Variants in CARD9 observed in about 807,000 individuals in gnomAD.
CARD9 encodes caspase recruitment domain-containing protein 9.
CARD9 carries 53 observed loss-of-function variants against 66.0 expected under a neutral mutation model. That is an observed-to-expected ratio of 0.80 (90% CI 0.64 to 1.01). CARD9 has a LOEUF of 1.01. Among genes scored for constraint, CARD9 ranks in the 50% least tolerant of loss-of-function variants. CARD9 has a pLI of 0.00. For synonymous variants in CARD9, 387 were observed against 313.8 expected, an observed-to-expected ratio of 1.23 and a Z score of -2.47; for missense variants, 769 against 743.2, an observed-to-expected ratio of 1.03 and a Z score of -0.40.
At chr9:136,369,054 A>T (rs927309544) in intron 7 of CARD9, among the ~76,000 whole-genome samples, 1 of 152,172 alleles carries the variant, frequency 6.6e-6, no homozygotes, top group Non-Finnish European at 1.5e-5. Context: ...TCCTGACCTC[A>T]AGTGAGCCGC....
intron 2 of CARD9, 34 bp from the exon 3 acceptor site, chr9:136,371,495 C>T (rs1833272732): frequency 6.6e-7 from 1 of 1,524,010 alleles, no homozygotes; most frequent in Non-Finnish European, 8.9e-7. Context: ...GGGGGCGGGG[C>T]ACAGGCGAGG....
intron 6 of CARD9, 170 bp from the exon 7 acceptor site, chr9:136,370,045 G>C: frequency 7.0e-7 from 1 of 1,427,142 alleles, no homozygotes. Context: ...GACCGCGGCA[G>C]GACAGGGCCC....
intron 11 of CARD9, 88 bp from the exon 12 acceptor site, chr9:136,364,647 C>T: frequency 7.4e-7 from 1 of 1,345,466 alleles, no homozygotes; most frequent in Non-Finnish European, 1.0e-6. Context: ...CCTGTAACTG[C>T]AGACTGGTTG....
rs373574599 is a variant in CARD9 at position 136,364,058 on chromosome 9, A to C, written c.*244T>G. 78 of 1,536,226 alleles carry C rather than the reference A, an allele frequency of 5.1e-5. No individual in the cohort carries two copies. In the African/African-American group the frequency reaches 9.5e-4, roughly 19 times the overall value. ...CATGGTGAAACAGAACAGATCCTGA[A>C]GTTACACAGATGGCGTGTGCATGGG... On this transcript the variant is annotated 3_prime_UTR_variant, in exon 13 of 13. Coordinates refer to ENST00000371732, the MANE Select transcript of CARD9 (RefSeq NM_052813.5).
intron 12 of CARD9, 35 bp downstream of exon 12, chr9:136,364,448 C>T (rs772638451): frequency 6.5e-7 from 1 of 1,541,408 alleles, no homozygotes; most frequent in Non-Finnish European, 8.7e-7. Context: ...CGCTCCCCAG[C>T]CCGTTTTGGA....
In CARD9 at chr9:136,370,345, G is replaced by A. The variant is rs1308104193; in HGVS notation, c.900C>T (p.Thr300=). The A allele has an allele frequency of 6.2e-7, 1 of 1,610,018 alleles. No individual in the cohort carries two copies. Among genetic ancestry groups the A allele is most frequent in the South Asian group, 1.1e-5 (1 of 90,698 alleles). ...GGAGGTCCTTGCGCAGGGAGAAGAT[G>A]GTGTTGGCCTGCTCCTGGTGGTCCC... The part of the protein sequence containing the change: ...ALRDHQEQAN[T]IFSLRKDLRQ... Residue 300 remains threonine, a synonymous_variant, in exon 6 of 13, where the codon ACC becomes ACT. Transcript: ENST00000371732.
chr9:136,371,571 G>T, intron 2 of CARD9, 110 bp from the exon 3 acceptor site: 1 of 1,467,784 alleles, frequency 6.8e-7, no homozygotes, highest in Non-Finnish European at 9.1e-7. Flanking sequence ...GATGAGGTGT[G>T]CCGTGGTCTG....
Position 136,369,785 on chromosome 9 carries a change from G to C in CARD9, c.1042C>G (p.Leu348Val). ...TCAATGGCGACCTCCTCCATCTGCA[G>C]CAGGATGGCCTCGATGCGGTCCTTG... ...MYKDRIEAIL[L>V]QMEEVAIERD... The change falls in exon 7 of 13, where the codon CTG becomes GTG. Residue 348 changes from leucine to valine, a missense_variant. Coordinates refer to ENST00000371732, the MANE Select transcript of CARD9 (RefSeq NM_052813.5). 6.2e-7 allele frequency: 1 copy of C among 1,610,968 alleles called. No individual in the cohort carries two copies. Among genetic ancestry groups the C allele is most frequent in the East Asian group, 2.2e-5 (1 of 44,858 alleles).
intron 10 of CARD9, chr9:136,366,547 C>G (rs996835060): frequency 5.3e-6 from 3 of 570,046 alleles, no homozygotes; most frequent in Middle Eastern, 4.7e-4. Context: ...TGGGGGCTGC[C>G]CAGACCCCCA....
intron 10 of CARD9, chr9:136,365,463 T>G: frequency 8.9e-6 from 5 of 559,660 alleles, no homozygotes; most frequent in East Asian, 3.0e-5. Flanking sequence ...CCAGTGACCA[T>G]CCCTCCCCCG....
intron 11 of CARD9, 79 bp downstream of exon 11, chr9:136,365,054 GGGTGCCCA>G: frequency 7.5e-7 from 1 of 1,334,874 alleles, no homozygotes; most frequent in Non-Finnish European, 1.1e-6. Flanking sequence ...CCACCGCAGG[GGGTGCCCA>G]GGGCAGGGAG....
chr9:136,367,148 T>C, intron 9 of CARD9, 68 bp downstream of exon 9: 1 of 1,531,732 alleles, frequency 6.5e-7, no homozygotes, highest in Non-Finnish European at 8.9e-7. Context: ...GGGCTATGCC[T>C]GGTGGCAGCT....
At position 136,364,084 on chromosome 9, in the gene CARD9, G is replaced by A; in HGVS notation, c.*218C>T. On this transcript the variant is annotated 3_prime_UTR_variant, in exon 13 of 13. Coordinates refer to ENST00000371732, the MANE Select transcript of CARD9 (RefSeq NM_052813.5). ...GTTACACAGATGGCGTGTGCATGGGGGTGGTGAGCACCCGCATGGCCTCCG... is the reference window on the plus strand; with the variant it reads ...GTTACACAGATGGCGTGTGCATGGGAGTGGTGAGCACCCGCATGGCCTCCG... 1.9e-6 allele frequency: 3 copies of A among 1,550,106 alleles called. No homozygotes were observed. The highest frequency in any genetic ancestry group is 2.0e-5 in the Admixed American group (1 of 51,012).
intron 5 of CARD9, 42 bp downstream of exon 5, chr9:136,370,480 A>G (rs915686708): frequency 1.2e-6 from 2 of 1,604,636 alleles, no homozygotes; most frequent in Non-Finnish European, 1.7e-6. Flanking sequence ...GAAGGCCCCC[A>G]CTGCCCTGCC....
rs948364270 is a variant in CARD9, at chr9:136,367,893, G to A, written c.1078-65C>T. 1.7e-5 allele frequency: 26 copies of A among 1,519,002 alleles called. 2 individuals carry two copies. The highest frequency in any genetic ancestry group is 7.9e-5 in the Admixed American group (4 of 50,370). The allele number at this position is 1,519,002 out of a possible 1,614,324, so 94.1% of individuals were successfully genotyped here. On this transcript the variant is annotated intron_variant, in intron 7 of 12. Transcript: ENST00000371732. ...CAAGCTTGCCCTGGGCCCTCGGCCC[G>A]GCCGCCCAACTCCAAGCAGAGGCTC...
chr9:136,364,389 G>A lies in CARD9; in HGVS notation c.1524C>T (p.Leu508=), dbSNP rs2131430836. Residue 508 remains leucine (L), a synonymous_variant, in exon 13 of 13, where the codon CTC becomes CTT. Transcript: ENST00000371732. ...SFENYRRKRA[L]RKMQKGWRQG... Reference sequence around the variant, plus strand: ...GCCGCCATCCTTTCTGCATCTTCCTGAGGGCGCGCTTCCTGTGAAGACAGG... The same window carrying A: ...GCCGCCATCCTTTCTGCATCTTCCTAAGGGCGCGCTTCCTGTGAAGACAGG... 2 of 1,557,986 alleles carry A rather than the reference G, an allele frequency of 1.3e-6. No homozygotes were observed. The highest frequency in any genetic ancestry group is 1.7e-6 in the Non-Finnish European group (2 of 1,153,798).
intron 11 of CARD9, 34 bp downstream of exon 11, chr9:136,365,107 C>A (rs564513029): frequency 1.2e-6 from 2 of 1,603,688 alleles, no homozygotes; most frequent in African/African-American, 2.7e-5. Flanking sequence ...CTGAGGCCCA[C>A]GGCTGGGAGG....
Position 136,367,213 on chromosome 9 carries a change from CACCTCCTGGG to C in CARD9, c.1304_1311+2del, listed in dbSNP as rs1274776112. 6.2e-7 allele frequency: 1 copy of C among 1,612,330 alleles called. No individual in the cohort carries two copies. The highest frequency in any genetic ancestry group is 8.5e-7 in the Non-Finnish European group (1 of 1,179,690). On this transcript the variant is annotated splice_donor_variant and coding_sequence_variant, in exon 9 of 13. Coordinates refer to ENST00000371732, the MANE Select transcript of CARD9 (RefSeq NM_052813.5). LOFTEE classifies it high-confidence loss of function. ...GCCTCGTGCTGGCTGGGGTCTCACT[CACCTCCTGGG>C]ACCTCCTGGGTGAGCCATCTTCCAG...
Position 136,370,811 on chromosome 9 carries a change from G to A in CARD9, c.627+30C>T, listed in dbSNP as rs746304716. 1.3e-5 allele frequency: 21 copies of A among 1,596,046 alleles called. No homozygotes were observed. In the Middle Eastern group the frequency reaches 5.0e-4, roughly 38 times the overall value. On this transcript the variant is annotated intron_variant, in intron 4 of 12. Transcript: ENST00000371732. ...AGACCCCGCCAGGCCAGGCGAGGGT[G>A]GCCTGGTTTCCCGGGGGCAGCGGGC...
Sources: allele counts gnomAD v4.1 joint callset (sites outside exome capture counted in the v4.1 genomes callset), GRCh38; gene constraint gnomAD v4.1.1; transcripts MANE v1.5; gene names NCBI Gene and HGNC (gene_info 2026-07-23, HGNC 2026-07-21).